ZNHIT3: variants seen among roughly 807,000 people sequenced by gnomAD.
ZNHIT3 encodes zinc finger HIT domain-containing protein 3.
In ZNHIT3, 27 loss-of-function variants were observed where a neutral mutation model predicts 19.9. The observed-to-expected ratio is 1.36, with a 90% confidence interval of 1.00 to 1.87. ZNHIT3 has a LOEUF of 1.87. ZNHIT3 is among the 40% of genes most tolerant of loss of function. The pLI is 0.00. For missense variants in ZNHIT3, 215 were observed against 185.6 expected (o/e 1.16, Z -0.92); for synonymous variants, 81 against 65.7 (o/e 1.23, Z -1.13).
intron 4 of ZNHIT3, among the ~76,000 whole-genome samples, chr17:36,494,314 T>A (rs2070815462): frequency 2.0e-5 from 3 of 152,222 alleles, no homozygotes; most frequent in African/African-American, 7.2e-5. Context: ...TTAGGCACTT[T>A]TTTGGTTTCC....
chr17:36,489,142 G>T (rs897531507), intron 2 of ZNHIT3: 7 of 152,318 alleles, frequency 4.6e-5, no homozygotes, highest in African/African-American at 1.4e-4. Context: ...GGATTTCATG[G>T]TTTTTTATGG....
rs1380885166 is a variant in ZNHIT3, at chr17:36,486,733, G to C, written c.34G>C (p.Val12Leu). Reference protein sequence around the residue: ...ASLKCSTVVCVICLEKPKYRC... With the variant: ...ASLKCSTVVCLICLEKPKYRC... ...GCTCAAATGTAGCACCGTCGTCTGCGTGATCTGCTTGGAGAAGCCCAAATA... is the reference window on the plus strand; with the variant it reads ...GCTCAAATGTAGCACCGTCGTCTGCCTGATCTGCTTGGAGAAGCCCAAATA... The change falls in exon 1 of 5, where the codon GTG becomes CTG. Residue 12 changes from valine (V) to leucine (L), a missense_variant. Coordinates refer to ENST00000617429, the MANE Select transcript of ZNHIT3 (RefSeq NM_004773.4). The C allele has an allele frequency of 1.2e-6, 2 of 1,613,768 alleles. No individual in the cohort carries two copies. The highest frequency in any genetic ancestry group is 1.7e-6 in the Non-Finnish European group (2 of 1,179,906).
Position 36,493,547 on chromosome 17 carries a change from G to C in ZNHIT3, c.206-379G>C, listed in dbSNP as rs74717550. The stretch of plus-strand genomic sequence containing the variant: ...GCTGAAAGCACAGGAGATTCTACTT[G>C]GCTGGTTTTTACAGAGCATCCAGTT... On this transcript the variant is annotated intron_variant, in intron 3 of 4. Coordinates refer to ENST00000617429, the MANE Select transcript of ZNHIT3 (RefSeq NM_004773.4). Among the ~76,000 whole-genome samples, 232 of 152,308 alleles carry C rather than the reference G, an allele frequency of 1.5e-3. 1 individual carries two copies. The highest frequency in any genetic ancestry group is 5.1e-3 in the African/African-American group (213 of 41,574).
At chr17:36,498,987 G>A, downstream of ZNHIT3, 1 of 1,054,936 alleles carries the variant, frequency 9.5e-7, no homozygotes, top group South Asian at 1.4e-5. Flanking sequence ...CACCTGCATT[G>A]CAGTGGCAGA....
chr17:36,492,812 G>C lies in ZNHIT3; in HGVS notation c.119-1G>C. Reference sequence around the variant, plus strand: ...GGGCCTGGGATTTGTGTCTTTTTCAGAACAGTGCAACCCTGAAACTCGTCC... The same window carrying C: ...GGGCCTGGGATTTGTGTCTTTTTCACAACAGTGCAACCCTGAAACTCGTCC... On this transcript the variant is annotated splice_acceptor_variant, in intron 2 of 4. Transcript: ENST00000617429. LOFTEE classifies it high-confidence loss of function. The C allele has an allele frequency of 1.2e-6, 2 of 1,613,594 alleles. No homozygotes were observed. The highest frequency in any genetic ancestry group is 1.7e-6 in the Non-Finnish European group (2 of 1,179,828).
At chr17:36,497,991 A>T (rs575326857), downstream of ZNHIT3, 9 of 458,614 alleles carry the variant, frequency 2.0e-5, no homozygotes, top group African/African-American at 1.6e-4. Context: ...CTAGAAACGC[A>T]GCATTGCATT....
At chr17:36,497,544 T>C, downstream of ZNHIT3, 1 of 985,206 alleles carries the variant, frequency 1.0e-6, no homozygotes, top group Non-Finnish European at 1.2e-6. Context: ...GTCTCGTGAA[T>C]TTTTCCTCTT....
At position 36,495,304 on chromosome 17, in the gene ZNHIT3, A is replaced by G. The variant is rs191351742; in HGVS notation, c.368A>G (p.Lys123Arg). 6.8e-6 allele frequency: 11 copies of G among 1,613,936 alleles called. No homozygotes were observed. The highest frequency in any genetic ancestry group is 2.2e-5 in the East Asian group (1 of 44,872). ...GTCAACCTCGATCAGGGAGAAGACA[A>G]AGCAAAGCTCATGAGAGCTTACATG... ...LMVNLDQGED[K>R]AKLMRAYMQE... The change falls in exon 5 of 5, where the codon AAA (lysine) becomes AGA (arginine). Residue 123 changes from lysine (K) to arginine (R), a missense_variant. Lys to Arg is a conservative substitution (Grantham distance 26). Transcript: ENST00000617429.
At chr17:36,487,001 C>A in intron 2 of ZNHIT3, 35 bp downstream of exon 2, 1 of 1,609,052 alleles carries the variant, frequency 6.2e-7, no homozygotes, top group Non-Finnish European at 8.5e-7. Context: ...CGTACCACTG[C>A]GCACGGGGCA....
In ZNHIT3 at chr17:36,494,012, T is replaced by C; in HGVS notation, c.286+6T>C. The C allele has an allele frequency of 6.2e-7, 1 of 1,601,920 alleles. No individual in the cohort carries two copies. The highest frequency in any genetic ancestry group is 8.6e-7 in the Non-Finnish European group (1 of 1,169,250). ...GCAGAATTTAAAGAATTTAGGTAAG[T>C]CTGTGCTATGCTTGTCAATCGTTGA... On this transcript the variant is annotated splice_donor_region_variant and intron_variant, in intron 4 of 4. Transcript: ENST00000617429.
At position 36,492,908 on chromosome 17, in the gene ZNHIT3, G is replaced by C. The variant is rs1352489003; in HGVS notation, c.205+9G>C. 1.2e-6 allele frequency: 2 copies of C among 1,613,880 alleles called. No homozygotes were observed. ...GCCTGTGGAAAACAAAGGTGGGTTG[G>C]TTGACTTCAAACAAATCTACAAGGG... On this transcript the variant is annotated intron_variant, in intron 3 of 4. Transcript: ENST00000617429.
chr17:36,497,530 CTA>C (rs1567723792), downstream of ZNHIT3: 1 of 984,586 alleles, frequency 1.0e-6, no homozygotes, highest in African/African-American at 1.8e-5. Flanking sequence ...TTCTTTTTTG[CTA>C]TGTCTCGTGA....
intron 4 of ZNHIT3, 45 bp downstream of exon 4, chr17:36,494,051 T>C: frequency 6.9e-7 from 1 of 1,449,282 alleles, no homozygotes; most frequent in Non-Finnish European, 9.6e-7. Flanking sequence ...ACATTTACTG[T>C]GTTGTAAGGA....
intron 2 of ZNHIT3, among the ~76,000 whole-genome samples, chr17:36,488,835 A>C (rs183688553): frequency 6.6e-5 from 10 of 152,200 alleles, no homozygotes; most frequent in African/African-American, 2.2e-4. Context: ...AACACTCGCA[A>C]TCCTCTCTTG....
downstream of ZNHIT3, chr17:36,498,497 T>C (rs1481242117): frequency 1.2e-6 from 2 of 1,614,042 alleles, no homozygotes; most frequent in Non-Finnish European, 1.7e-6. Context: ...AACAGGGAGC[T>C]TGAGAGAAGT....
chr17:36,498,858 C>T (rs2071241984), downstream of ZNHIT3: 4 of 592,690 alleles, frequency 6.7e-6, no homozygotes, highest in African/African-American at 1.9e-5. Flanking sequence ...TTGGTATATT[C>T]CCAGAGTTGC....
chr17:36,498,691 T>C, downstream of ZNHIT3: 1 of 1,058,552 alleles, frequency 9.4e-7, no homozygotes, highest in Non-Finnish European at 1.3e-6. Context: ...AACAGCTGGC[T>C]GCCCTGAACC....
At chr17:36,498,610 G>A, downstream of ZNHIT3, 4 of 1,511,408 alleles carry the variant, frequency 2.6e-6, no homozygotes, top group South Asian at 5.1e-5. Context: ...AGCCCTCTTA[G>A]CAGAAAATGG....
intron 2 of ZNHIT3, 25 bp downstream of exon 2, chr17:36,486,991 C>T (rs757057781): frequency 8.7e-6 from 14 of 1,610,140 alleles, no homozygotes; most frequent in African/African-American, 1.3e-5. Flanking sequence ...CGCCAGCCCT[C>T]GTACCACTGC....
Sources: gnomAD v4.1 joint callset for allele counts (sites outside exome capture counted in the v4.1 genomes callset) on GRCh38, gnomAD v4.1.1 for gene constraint, MANE v1.5 for transcripts, NCBI Gene and HGNC (gene_info 2026-07-23, HGNC 2026-07-21) for gene names.